AFTPH: variants seen among roughly 807,000 people sequenced by gnomAD.
AFTPH encodes aftiphilin.
In AFTPH, 7 loss-of-function variants were observed where a neutral mutation model predicts 72.5. The ratio of observed to expected loss-of-function variants is 0.10; its 90% confidence interval spans 0.05 to 0.18. The LOEUF (loss-of-function observed/expected upper bound fraction) is 0.18, where lower values mean the gene tolerates loss of function less well. Ranked by LOEUF, AFTPH falls within the 10% of genes least tolerant of loss-of-function variation. The probability of loss-of-function intolerance (pLI) is 1.00; values close to 1 mark genes in which losing one functional copy is unlikely to be tolerated. For synonymous variants in AFTPH, 337 were observed against 370.1 expected, an observed-to-expected ratio of 0.91 and a Z score of 1.03; for missense variants, 979 against 1,060.5, an observed-to-expected ratio of 0.92 and a Z score of 1.07.
chr2:64,585,107 A>G (rs1228236828), intron 7 of AFTPH, among the ~76,000 whole-genome samples: 1 of 152,238 alleles, frequency 6.6e-6, no homozygotes, highest in African/African-American at 2.4e-5. Context: ...TCACATCCTA[A>G]TCCAAATTGG....
intron 1 of AFTPH, among the ~76,000 whole-genome samples, chr2:64,532,308 G>T (rs12713516): frequency 0.43 from 65,851 of 151,892 alleles, 16,204 homozygotes; most frequent in African/African-American, 0.68. Context: ...GCTGGAGAGA[G>T]AGGAATGGTT....
At chr2:64,534,893 G>A (rs1669805480) in intron 1 of AFTPH, among the ~76,000 whole-genome samples, 1 of 152,048 alleles carries the variant, frequency 6.6e-6, no homozygotes, top group Admixed American at 6.5e-5. Context: ...CAAATCTAGA[G>A]CTGTCTCAAA....
intron 7 of AFTPH, among the ~76,000 whole-genome samples, chr2:64,583,044 A>G (rs1192528535): frequency 6.6e-6 from 1 of 152,214 alleles, no homozygotes; most frequent in African/African-American, 2.4e-5. Flanking sequence ...TCTAGATGCT[A>G]TATAAATTTG....
chr2:64,548,198 C>G (rs1670771436), intron 1 of AFTPH, among the ~76,000 whole-genome samples: 1 of 144,466 alleles, frequency 6.9e-6, no homozygotes, highest in Admixed American at 6.8e-5. Flanking sequence ...TCGAGACCAT[C>G]CTGGCTAACA....
intron 4 of AFTPH, 114 bp downstream of exon 4, chr2:64,569,332 G>GT: frequency 7.3e-7 from 1 of 1,375,200 alleles, no homozygotes. Flanking sequence ...TAAATATTTG[G>GT]TTTAAATGTT....
At chr2:64,592,198 A>G (rs576373910) in exon 9 of AFTPH, 1 of 559,270 alleles carries the variant, frequency 1.8e-6, no homozygotes, top group East Asian at 3.0e-5. Context: ...ATGTATATTT[A>G]TTTACATACT....
At chr2:64,592,784 A>T (rs1673899533) in exon 9 of AFTPH, 1 of 152,530 alleles carries the variant, frequency 6.6e-6, no homozygotes, top group South Asian at 2.1e-4. Flanking sequence ...TTTTTTGAGG[A>T]TTTTGCACAG....
chr2:64,555,715 G>A (rs763742335), intron 2 of AFTPH, among the ~76,000 whole-genome samples: 1 of 152,196 alleles, frequency 6.6e-6, no homozygotes, highest in Non-Finnish European at 1.5e-5. Flanking sequence ...GAGGCCAGAA[G>A]AAGTTTGGGA....
At chr2:64,569,797 G>A in intron 5 of AFTPH, 118 bp downstream of exon 5, 1 of 866,878 alleles carries the variant, frequency 1.2e-6, no homozygotes, top group Non-Finnish European at 1.8e-6. Context: ...GGAATCTGAA[G>A]GGTATAAATA....
chr2:64,552,318 G>A lies in AFTPH; in HGVS notation c.844G>A (p.Gly282Ser), dbSNP rs138062318. The A allele has an allele frequency of 4.3e-4, 691 of 1,614,084 alleles. 2 individuals carry two copies. In the East Asian group the frequency reaches 0.013, roughly 29 times the overall value. The stretch of plus-strand genomic sequence containing the variant: ...GAATTCTGTAAAAGAAGTGGCTTTG[G>A]GTAGAAGCTTGGATAACAAAGGAGA... The change falls in exon 2 of 9, where the codon GGT becomes AGT. Residue 282 changes from glycine to serine, a missense_variant. By Grantham distance (56) the Gly-to-Ser change is moderately conservative. Transcript: ENST00000238856.
chr2:64,562,263 A>T (rs1671787150), intron 2 of AFTPH, among the ~76,000 whole-genome samples: 1 of 151,858 alleles, frequency 6.6e-6, no homozygotes, highest in African/African-American at 2.4e-5. Flanking sequence ...AAAATGATTT[A>T]GATGGCTTAC....
chr2:64,570,364 A>G (rs1672341950), intron 5 of AFTPH, among the ~76,000 whole-genome samples: 1 of 152,212 alleles, frequency 6.6e-6, no homozygotes, highest in Admixed American at 6.5e-5. Context: ...AAAAATAATG[A>G]AGGAATCTTT....
At chr2:64,533,686 A>G (rs538427037) in intron 1 of AFTPH, among the ~76,000 whole-genome samples, 2 of 152,338 alleles carry the variant, frequency 1.3e-5, no homozygotes, top group African/African-American at 4.8e-5. Flanking sequence ...GGTATACTAT[A>G]TAACCACCAA....
chr2:64,564,961 C>G (rs1671975226), intron 2 of AFTPH, among the ~76,000 whole-genome samples: 1 of 151,826 alleles, frequency 6.6e-6, no homozygotes, highest in Non-Finnish European at 1.5e-5. Flanking sequence ...GCCTCAACCT[C>G]CTGAGTAGCT....
chr2:64,573,872 G>A (rs974889511), intron 6 of AFTPH, among the ~76,000 whole-genome samples: 1 of 152,124 alleles, frequency 6.6e-6, no homozygotes, highest in African/African-American at 2.4e-5. Context: ...TGGCCAGGCT[G>A]GTATTGAACT....
At chr2:64,567,811 G>A (rs7598893) in intron 3 of AFTPH, 98 bp downstream of exon 3, 499,289 of 1,344,584 alleles carry the variant, frequency 0.37, 93,176 homozygotes, top group South Asian at 0.4. Flanking sequence ...CAGGCCAGGC[G>A]CAGTGGATCA....
chr2:64,542,523 C>A (rs950753014), intron 1 of AFTPH, among the ~76,000 whole-genome samples: 15 of 152,164 alleles, frequency 9.9e-5, no homozygotes, highest in African/African-American at 3.6e-4. Context: ...AAACTTCCAT[C>A]TTTTAACAGA....
chr2:64,588,991 A>C (rs1673665498), intron 8 of AFTPH, among the ~76,000 whole-genome samples: 1 of 152,226 alleles, frequency 6.6e-6, no homozygotes, highest in South Asian at 2.1e-4. Flanking sequence ...ATTTGAAGAT[A>C]TCTTTTCCAA....
intron 2 of AFTPH, among the ~76,000 whole-genome samples, chr2:64,555,517 C>T (rs1389585449): frequency 6.6e-6 from 1 of 151,746 alleles, no homozygotes; most frequent in Non-Finnish European, 1.5e-5. Context: ...GCCGAGATCA[C>T]ACCACTGCAT....
Sources: gnomAD v4.1 joint callset for allele counts (sites outside exome capture counted in the v4.1 genomes callset) on GRCh38, gnomAD v4.1.1 for gene constraint, MANE v1.5 for transcripts, NCBI Gene and HGNC (gene_info 2026-07-23, HGNC 2026-07-21) for gene names.